The following STXBP5L variants were observed in gnomAD, a reference collection of about 807,000 sequenced individuals.
STXBP5L encodes syntaxin-binding protein 5-like.
In STXBP5L, 65 loss-of-function variants were observed where a neutral mutation model predicts 144.5. That is an observed-to-expected ratio of 0.45 (90% CI 0.37 to 0.55). The LOEUF is 0.55. Among genes scored for constraint, STXBP5L ranks in the 20% least tolerant of loss-of-function variants. The pLI, the probability that STXBP5L is intolerant of heterozygous loss-of-function variation, is 0.00. For synonymous variants in STXBP5L, 505 were observed against 469.6 expected, an observed-to-expected ratio of 1.08 and a Z score of -0.97; for missense variants, 1,298 against 1,405.5, an observed-to-expected ratio of 0.92 and a Z score of 1.22.
intron 5 of STXBP5L, among the ~76,000 whole-genome samples, chr3:121,098,790 A>T (rs1464463510): frequency 6.6e-6 from 1 of 152,188 alleles, no homozygotes; most frequent in Admixed American, 6.6e-5. Context: ...GTTCCCTACA[A>T]GGAATCCAGT....
chr3:121,301,336 G>C (rs1428136915), intron 19 of STXBP5L, among the ~76,000 whole-genome samples: 1 of 152,000 alleles, frequency 6.6e-6, no homozygotes, highest in Non-Finnish European at 1.5e-5. Flanking sequence ...ACTCGATTTG[G>C]CTCTCTGTTT....
chr3:121,108,171 G>A (rs554167676), intron 5 of STXBP5L, among the ~76,000 whole-genome samples: 3 of 152,144 alleles, frequency 2.0e-5, no homozygotes, highest in African/African-American at 7.2e-5. Context: ...GAGACAGTTT[G>A]ACTTCCTCTC....
intron 25 of STXBP5L, among the ~76,000 whole-genome samples, chr3:121,416,535 T>C (rs1335921582): frequency 6.6e-6 from 1 of 150,648 alleles, no homozygotes; most frequent in Non-Finnish European, 1.5e-5. Context: ...TGAGACAGAG[T>C]CTTGCTCTGT....
At chr3:120,984,731 T>A (rs1173297861) in intron 3 of STXBP5L, among the ~76,000 whole-genome samples, 1 of 151,140 alleles carries the variant, frequency 6.6e-6, no homozygotes, top group Non-Finnish European at 1.5e-5. Flanking sequence ...CCTTTTCTTA[T>A]TGTTGATTTT....
chr3:120,949,005 A>T (rs1576466359), intron 2 of STXBP5L, among the ~76,000 whole-genome samples: 2 of 151,994 alleles, frequency 1.3e-5, no homozygotes, highest in East Asian at 3.9e-4. Context: ...TAGGAGTTGT[A>T]CTAGTTTATA....
intron 9 of STXBP5L, among the ~76,000 whole-genome samples, chr3:121,180,345 A>G (rs2047093062): frequency 6.6e-6 from 1 of 152,362 alleles, no homozygotes; most frequent in East Asian, 1.9e-4. Flanking sequence ...ACTAAGCTTC[A>G]TTAATGAAGG....
At chr3:121,257,628 T>C (rs552088225) in intron 17 of STXBP5L, among the ~76,000 whole-genome samples, 2 of 152,284 alleles carry the variant, frequency 1.3e-5, no homozygotes, top group South Asian at 2.1e-4. Context: ...ATATTTCCAA[T>C]TGAAAAAGTA....
At chr3:121,115,871 C>A (rs1050457398) in intron 6 of STXBP5L, among the ~76,000 whole-genome samples, 1 of 152,044 alleles carries the variant, frequency 6.6e-6, no homozygotes, top group African/African-American at 2.4e-5. Flanking sequence ...TTTCAAACAA[C>A]AAGATCTCAC....
chr3:121,242,828 GT>G (rs1428871145), intron 14 of STXBP5L, among the ~76,000 whole-genome samples: 1 of 152,046 alleles, frequency 6.6e-6, no homozygotes. Context: ...TATCAACAAG[GT>G]GACAGAATAG....
rs546565082 is a variant in STXBP5L at position 121,031,275 on chromosome 3, CACA to C, written c.288-10420_288-10418del. 2.6e-4 allele frequency among the ~76,000 whole-genome samples: 39 copies of C among 152,144 alleles called. No individual in the cohort carries two copies. In the East Asian group the frequency reaches 5.6e-3, roughly 22 times the overall value. ...ATAGGTTGGAAGCAAGGTCAGAATA[CACA>C]ACAATAGGATGTTTATGTACATGTA... On this transcript the variant is annotated intron_variant, in intron 3 of 26. Coordinates refer to ENST00000471454, the MANE Select transcript of STXBP5L (RefSeq NM_001308330.2).
chr3:121,317,058 G>A (rs749802481), intron 19 of STXBP5L, among the ~76,000 whole-genome samples: 2 of 152,120 alleles, frequency 1.3e-5, no homozygotes, highest in Non-Finnish European at 2.9e-5. Flanking sequence ...TGTATATCTA[G>A]GGTTAAGACC....
At chr3:121,054,507 C>T (rs879715327) in intron 5 of STXBP5L, among the ~76,000 whole-genome samples, 16 of 146,578 alleles carry the variant, frequency 1.1e-4, no homozygotes, top group Middle Eastern at 3.6e-3. Flanking sequence ...GCAAACACCG[C>T]ATGTTCTCAT....
At chr3:121,365,569 A>T (rs1287692025) in intron 20 of STXBP5L, among the ~76,000 whole-genome samples, 1 of 151,808 alleles carries the variant, frequency 6.6e-6, no homozygotes, top group Non-Finnish European at 1.5e-5. Context: ...ACAAATGTTC[A>T]TAATACTATC....
intron 20 of STXBP5L, among the ~76,000 whole-genome samples, chr3:121,330,788 T>C (rs973511351): frequency 6.6e-6 from 1 of 152,212 alleles, no homozygotes; most frequent in African/African-American, 2.4e-5. Context: ...TGCATCACCC[T>C]GGCCAACGGA....
intron 19 of STXBP5L, among the ~76,000 whole-genome samples, chr3:121,299,975 CAAAAAA>C (rs35062789): frequency 8.6e-6 from 1 of 115,738 alleles, no homozygotes. Flanking sequence ...GACCTGATCT[CAAAAAA>C]AAAAAAAAAA....
chr3:120,988,113 CTT>C (rs1047380745), intron 3 of STXBP5L, among the ~76,000 whole-genome samples: 1 of 143,138 alleles, frequency 7.0e-6, no homozygotes, highest in African/African-American at 2.6e-5. Context: ...TTGATTTTCT[CTT>C]TTTTTTTTCC....
intron 20 of STXBP5L, among the ~76,000 whole-genome samples, chr3:121,338,639 AG>A (rs1350302352): frequency 1.3e-5 from 2 of 150,750 alleles, no homozygotes; most frequent in African/African-American, 4.9e-5. Context: ...AGAAAGAAAG[AG>A]AAAGAGAGAA....
At chr3:121,329,564 T>A (rs1346882350) in intron 20 of STXBP5L, among the ~76,000 whole-genome samples, 1 of 152,194 alleles carries the variant, frequency 6.6e-6, no homozygotes, top group African/African-American at 2.4e-5. Context: ...AGTTAGAATG[T>A]CAAGAATGTA....
At chr3:121,066,232 G>A (rs1315059641) in intron 5 of STXBP5L, among the ~76,000 whole-genome samples, 1 of 152,030 alleles carries the variant, frequency 6.6e-6, no homozygotes, top group Non-Finnish European at 1.5e-5. Flanking sequence ...TGGTTTTCTT[G>A]TCTCATTACT....
Sources: gnomAD v4.1 joint callset for allele counts (sites outside exome capture counted in the v4.1 genomes callset) on GRCh38, gnomAD v4.1.1 for gene constraint, MANE v1.5 for transcripts, NCBI Gene and HGNC (gene_info 2026-07-23, HGNC 2026-07-21) for gene names.